The following TBC1D32 variants were observed in gnomAD, a reference collection of about 807,000 sequenced individuals.
TBC1D32 encodes the protein TBC1 domain family member 32.
In TBC1D32, 151 loss-of-function variants were observed where a neutral mutation model predicts 170.3. That is an observed-to-expected ratio of 0.89 (90% CI 0.78 to 1.01). The LOEUF (loss-of-function observed/expected upper bound fraction) is 1.01, where lower values mean the gene tolerates loss of function less well. Ranked by LOEUF, TBC1D32 falls within the 50% of genes least tolerant of loss-of-function variation. The pLI is 0.00. For synonymous variants in TBC1D32, 498 were observed against 488.0 expected, an observed-to-expected ratio of 1.02 and a Z score of -0.27; for missense variants, 1,464 against 1,457.1, an observed-to-expected ratio of 1.00 and a Z score of -0.08.
At chr6:121,198,906 T>C (rs1352815593) in intron 22 of TBC1D32, among the ~76,000 whole-genome samples, 2 of 150,782 alleles carry the variant, frequency 1.3e-5, no homozygotes, top group Non-Finnish European at 2.9e-5. Flanking sequence ...ACAAAAGGAA[T>C]CCCAAAATAA....
intron 24 of TBC1D32, among the ~76,000 whole-genome samples, chr6:121,140,053 T>C (rs1011702748): frequency 6.6e-6 from 1 of 152,122 alleles, no homozygotes; most frequent in Non-Finnish European, 1.5e-5. Flanking sequence ...TCTACTTTTA[T>C]AAAATGCCAA....
intron 22 of TBC1D32, among the ~76,000 whole-genome samples, chr6:121,187,836 G>A (rs1205018874): frequency 6.6e-6 from 1 of 151,530 alleles, no homozygotes; most frequent in Admixed American, 6.6e-5. Flanking sequence ...ATTATCTGAT[G>A]CCCTTTAGCT....
At position 121,085,223 on chromosome 6, in the gene TBC1D32, A is replaced by ATATACATACG. The variant is rs1491107857; in HGVS notation, c.3655-4334_3655-4333insCGTATGTATA. Among the ~76,000 whole-genome samples, 18 of 137,834 alleles carry ATATACATACG rather than the reference A, an allele frequency of 1.3e-4. 1 individual carries two copies. In the East Asian group the frequency reaches 4.1e-3, roughly 32 times the overall value. The allele number at this position is 137,834 out of a possible 152,430, so 90.4% of individuals were successfully genotyped here. A position where few individuals can be genotyped will look rare whatever the true frequency, so the allele number is the denominator to read the frequency against. On this transcript the variant is annotated intron_variant, in intron 31 of 31. Coordinates refer to ENST00000398212, the MANE Select transcript of TBC1D32 (RefSeq NM_152730.6). ...CATATATATACACATATATATACAC[A>ATATACATACG]TATATATATACACATATACATACGT...
chr6:121,160,324 G>A (rs116818542), intron 23 of TBC1D32, among the ~76,000 whole-genome samples: 1,892 of 151,994 alleles, frequency 0.012, 38 homozygotes, highest in African/African-American at 0.043. Flanking sequence ...TAGTACTGAG[G>A]ACAAACATAT....
At chr6:121,170,452 T>C in intron 22 of TBC1D32, 1 of 1,607,840 alleles carries the variant, frequency 6.2e-7, no homozygotes, top group Non-Finnish European at 8.5e-7. Context: ...GAGCATTTAG[T>C]AACATTTCAG....
intron 29 of TBC1D32, among the ~76,000 whole-genome samples, chr6:121,107,811 C>A (rs780798420): frequency 6.6e-6 from 1 of 151,970 alleles, no homozygotes; most frequent in Non-Finnish European, 1.5e-5. Flanking sequence ...TATGCAGTGT[C>A]TTTTCTAGGC....
At chr6:121,159,685 A>G (rs1220528203) in intron 24 of TBC1D32, among the ~76,000 whole-genome samples, 1 of 152,158 alleles carries the variant, frequency 6.6e-6, no homozygotes, top group Non-Finnish European at 1.5e-5. Flanking sequence ...ACTGTACTGA[A>G]TACTGTAGGC....
At chr6:121,254,051 C>T (rs1798646648) in intron 17 of TBC1D32, among the ~76,000 whole-genome samples, 1 of 151,022 alleles carries the variant, frequency 6.6e-6, no homozygotes, top group African/African-American at 2.5e-5. Flanking sequence ...GAATACTACT[C>T]AGTCATAAAA....
intron 24 of TBC1D32, among the ~76,000 whole-genome samples, chr6:121,145,866 T>C (rs1783365641): frequency 6.6e-6 from 1 of 152,164 alleles, no homozygotes; most frequent in African/African-American, 2.4e-5. Flanking sequence ...AAAGGGTTAA[T>C]GGATTAATGG....
chr6:121,255,508 T>G (rs1246170926), intron 16 of TBC1D32, 98 bp from the exon 17 acceptor site: 2 of 170,174 alleles, frequency 1.2e-5, no homozygotes, highest in Admixed American at 1.9e-4. Flanking sequence ...ATAATTATAT[T>G]TATAATTATA....
intron 31 of TBC1D32, among the ~76,000 whole-genome samples, chr6:121,089,351 G>C (rs1338148547): frequency 3.9e-5 from 6 of 152,096 alleles, no homozygotes; most frequent in African/African-American, 1.4e-4. Flanking sequence ...AAAAACTAAA[G>C]TAGGATAAGA....
intron 1 of TBC1D32, among the ~76,000 whole-genome samples, chr6:121,330,271 T>A (rs920923258): frequency 6.6e-6 from 1 of 152,122 alleles, no homozygotes; most frequent in Non-Finnish European, 1.5e-5. Flanking sequence ...TGGTGTTAAG[T>A]GATCTGCCCA....
At chr6:121,257,267 C>T (rs1009445316) in intron 15 of TBC1D32, among the ~76,000 whole-genome samples, 6 of 151,814 alleles carry the variant, frequency 4.0e-5, no homozygotes, top group African/African-American at 1.5e-4. Flanking sequence ...GGTAAAATAA[C>T]TTCATAGTTG....
intron 4 of TBC1D32, among the ~76,000 whole-genome samples, chr6:121,309,799 C>T (rs1807892208): frequency 6.6e-6 from 1 of 152,056 alleles, no homozygotes; most frequent in Admixed American, 6.6e-5. Flanking sequence ...TTTGGGAGGC[C>T]AAGGGAGGTG....
chr6:121,214,556 T>A (rs114445775), intron 21 of TBC1D32, among the ~76,000 whole-genome samples: 2,278 of 152,104 alleles, frequency 0.015, 40 homozygotes, highest in African/African-American at 0.044. Context: ...AGACAAGGCA[T>A]AAAGCAAGCA....
chr6:121,153,885 TGTCA>T (rs1292895955), intron 24 of TBC1D32, among the ~76,000 whole-genome samples: 3 of 152,110 alleles, frequency 2.0e-5, no homozygotes, highest in African/African-American at 7.2e-5. Context: ...ACTGCTGTAC[TGTCA>T]GTGAGAATTT....
At chr6:121,110,452 A>G (rs1410205023) in intron 29 of TBC1D32, among the ~76,000 whole-genome samples, 2 of 151,918 alleles carry the variant, frequency 1.3e-5, no homozygotes, top group African/African-American at 4.8e-5. Flanking sequence ...AAAAGGTAAA[A>G]AAATAGGACA....
chr6:121,143,365 G>A lies in TBC1D32; in HGVS notation c.2774-11613C>T, dbSNP rs146228861. ...AAAATGTTCATAAAGAAAAACAATT[G>A]AACCAGATGATGTCTCAAAATTCTT... On this transcript the variant is annotated intron_variant, in intron 24 of 31. Transcript: ENST00000398212. 1.1e-4 allele frequency among the ~76,000 whole-genome samples: 16 copies of A among 152,140 alleles called. No individual in the cohort carries two copies. In the East Asian group the frequency reaches 3.1e-3, roughly 29 times the overall value.
chr6:121,110,553 T>C (rs1779103602), intron 29 of TBC1D32, among the ~76,000 whole-genome samples: 1 of 152,048 alleles, frequency 6.6e-6, no homozygotes, highest in Non-Finnish European at 1.5e-5. Flanking sequence ...CTAAAGAAGG[T>C]AGACAAGTTT....
Sources: allele counts gnomAD v4.1 joint callset (sites outside exome capture counted in the v4.1 genomes callset), GRCh38; gene constraint gnomAD v4.1.1; transcripts MANE v1.5; gene names NCBI Gene and HGNC (gene_info 2026-07-23, HGNC 2026-07-21).